TGM6: variants seen among roughly 807,000 people sequenced by gnomAD.
TGM6 encodes the protein transglutaminase 6.
A neutral mutation model predicts 77.5 loss-of-function variants in TGM6; 74 were observed. The ratio of observed to expected loss-of-function variants is 0.96; its 90% CI spans 0.79 to 1.16. TGM6 has a LOEUF of 1.16. TGM6 is among the 50% of genes most tolerant of loss of function. The probability of loss-of-function intolerance (pLI) is 0.00; values close to 1 mark genes in which losing one functional copy is unlikely to be tolerated. For missense variants in TGM6, 968 were observed against 940.2 expected, an observed-to-expected ratio of 1.03 and a Z score of -0.39; for synonymous variants, 383 against 378.9, an observed-to-expected ratio of 1.01 and a Z score of -0.12.
intron 9 of TGM6, among the ~76,000 whole-genome samples, chr20:2,415,217 A>G (rs1374044178): frequency 6.6e-6 from 1 of 152,222 alleles, no homozygotes; most frequent in Non-Finnish European, 1.5e-5. Flanking sequence ...ATGGAATGTT[A>G]AAGAACCTTG....
intron 1 of TGM6, among the ~76,000 whole-genome samples, chr20:2,387,322 A>G (rs888965479): frequency 3.3e-5 from 5 of 152,190 alleles, no homozygotes; most frequent in East Asian, 3.9e-4. Context: ...ATTTGGTTTT[A>G]CTTTCTGTTG....
chr20:2,428,381 C>T, intron 10 of TGM6, among the ~76,000 whole-genome samples: 1 of 152,150 alleles, frequency 6.6e-6, no homozygotes, highest in Non-Finnish European at 1.5e-5. Context: ...CTACTTTTCT[C>T]CTCCTTTCTC....
At chr20:2,397,857 G>T in intron 4 of TGM6, 61 bp from the exon 5 acceptor site, 2 of 1,613,750 alleles carry the variant, frequency 1.2e-6, no homozygotes, top group South Asian at 2.2e-5. Flanking sequence ...GAGGGCTGTG[G>T]GAGGGCCTGG....
chr20:2,382,665 ATCTGTTCC>A (rs2084564209), intron 1 of TGM6, among the ~76,000 whole-genome samples: 2 of 151,996 alleles, frequency 1.3e-5, no homozygotes, highest in African/African-American at 4.8e-5. Flanking sequence ...TCTTGGGAGG[ATCTGTTCC>A]TCAGAGCAGT....
chr20:2,430,566 A>G lies in TGM6; in HGVS notation c.1799A>G (p.Lys600Arg). 6.2e-7 allele frequency: 1 copy of G among 1,614,204 alleles called. No homozygotes were observed. ...VTKGEKLLVE[K>R]DITLEDFITI... Reference sequence around the variant, plus strand: ...AAAGGAGAGAAGCTTCTGGTGGAGAAGGACATTACTCTAGAGGACTTCATC... The same window carrying G: ...AAAGGAGAGAAGCTTCTGGTGGAGAGGGACATTACTCTAGAGGACTTCATC... The change falls in exon 11 of 13, where the codon AAG (lysine) becomes AGG (arginine). Residue 600 changes from lysine to arginine, a missense_variant. Physicochemically the swap from Lys to Arg is conservative, Grantham distance 26. Coordinates refer to ENST00000202625, the MANE Select transcript of TGM6 (RefSeq NM_198994.3).
chr20:2,430,829 G>C (rs1428610755), intron 11 of TGM6, 65 bp from the exon 12 acceptor site: 1 of 1,613,540 alleles, frequency 6.2e-7, no homozygotes, highest in Non-Finnish European at 8.5e-7. Flanking sequence ...AACTCAGCCA[G>C]GACCATCGGT....
chr20:2,424,216 G>A (rs1365629039), intron 10 of TGM6, among the ~76,000 whole-genome samples: 1 of 152,196 alleles, frequency 6.6e-6, no homozygotes, highest in Non-Finnish European at 1.5e-5. Flanking sequence ...GCCAGGCATT[G>A]ACTTCTGTCC....
At chr20:2,420,952 C>T (rs749685419) in intron 10 of TGM6, among the ~76,000 whole-genome samples, 3 of 151,402 alleles carry the variant, frequency 2.0e-5, no homozygotes, top group Non-Finnish European at 4.4e-5. Context: ...TGTAAACATC[C>T]TTATGCAGGT....
At chr20:2,395,544 T>A in intron 3 of TGM6, 108 bp downstream of exon 3, 1 of 1,590,696 alleles carries the variant, frequency 6.3e-7, no homozygotes, top group Non-Finnish European at 8.6e-7. Context: ...AGAAGCTGAA[T>A]GCCAAGAGCT....
intron 9 of TGM6, among the ~76,000 whole-genome samples, chr20:2,414,954 C>T (rs1023456330): frequency 6.9e-6 from 1 of 145,246 alleles, no homozygotes; most frequent in Non-Finnish European, 1.5e-5. Flanking sequence ...GGTGAAAAAA[C>T]GTTCTAAAAT....
At chr20:2,416,657 G>T (rs1747899273) in intron 9 of TGM6, among the ~76,000 whole-genome samples, 1 of 152,174 alleles carries the variant, frequency 6.6e-6, no homozygotes, top group African/African-American at 2.4e-5. Flanking sequence ...ATAGAGAAGT[G>T]CTTTTGCCTC....
chr20:2,388,115 G>T (rs2084608043), intron 1 of TGM6, among the ~76,000 whole-genome samples: 1 of 152,182 alleles, frequency 6.6e-6, no homozygotes, highest in Non-Finnish European at 1.5e-5. Context: ...TCCAGAGGGT[G>T]GGAATATATG....
chr20:2,430,491 A>C lies in TGM6; in HGVS notation c.1724A>C (p.Asp575Ala), dbSNP rs959873105. The C allele has an allele frequency of 6.2e-7, 1 of 1,614,196 alleles. No homozygotes were observed. Among genetic ancestry groups the C allele is most frequent in the Non-Finnish European group, 8.5e-7 (1 of 1,180,032 alleles). ...ATATCTTACTCTAAGTATAAAGAAGACCTGACAGAGGACAAGAAGATCCTG... is the reference window on the plus strand; with the variant it reads ...ATATCTTACTCTAAGTATAAAGAAGCCCTGACAGAGGACAAGAAGATCCTG... The part of the protein sequence containing the change: ...ITISYSKYKE[D>A]LTEDKKILLA... The change falls in exon 11 of 13, where the codon GAC becomes GCC. Residue 575 changes from aspartate to alanine, a missense_variant. Transcript: ENST00000202625.
At chr20:2,401,565 C>A (rs1485892548) in intron 7 of TGM6, among the ~76,000 whole-genome samples, 1 of 152,188 alleles carries the variant, frequency 6.6e-6, no homozygotes, top group Non-Finnish European at 1.5e-5. Context: ...TAACGTAACA[C>A]CCACCAAGCA....
chr20:2,420,310 T>A lies in TGM6; in HGVS notation c.1678+2737T>A, dbSNP rs115336358. The stretch of plus-strand genomic sequence containing the variant: ...ATGATAGACTATTAAAACATATAAT[T>A]TATTAAATTATTAGGTTTTTAAGTA... On this transcript the variant is annotated intron_variant, in intron 10 of 12. Transcript: ENST00000202625. Among the ~76,000 whole-genome samples the A allele has an allele frequency of 4.1e-3, 618 of 152,154 alleles. 1 individual carries two copies. Among genetic ancestry groups the A allele is most frequent in the African/African-American group, 0.014 (585 of 41,508 alleles).
intron 1 of TGM6, among the ~76,000 whole-genome samples, chr20:2,391,996 C>T (rs1163419913): frequency 6.6e-6 from 1 of 152,196 alleles, no homozygotes; most frequent in Non-Finnish European, 1.5e-5. Context: ...TAAGCTGTTG[C>T]TTATAGTACT....
In TGM6 at chr20:2,394,710, G is replaced by A. The variant is rs894868990; in HGVS notation, c.181+85G>A. 2.4e-5 allele frequency: 35 copies of A among 1,430,382 alleles called. No homozygotes were observed. In the African/African-American group the frequency reaches 3.7e-4, roughly 15 times the overall value. The allele number at this position is 1,430,382 out of a possible 1,614,324, so 88.6% of individuals were successfully genotyped here. On this transcript the variant is annotated intron_variant, in intron 2 of 12. Coordinates refer to ENST00000202625, the MANE Select transcript of TGM6 (RefSeq NM_198994.3). ...TCAGTAACATAAGACCTTGCAGTCA[G>A]CAGCTCAGGCTCTGGGGGAAGCAAG...
In TGM6 at chr20:2,395,377, G is replaced by T. The variant is rs760044645; in HGVS notation, c.365G>T (p.Arg122Leu). Residue 122 changes from arginine to leucine, a missense_variant, in exon 3 of 13, where the codon CGC (arginine) becomes CTC (leucine). By Grantham distance (102) the Arg-to-Leu change is moderately radical. Transcript: ENST00000202625. ...YLLSIRLSSH[R>L]KHSNRRLGEF... ...CTGAGCATCAGGCTTTCCTCTCACC[G>T]CAAACACAGCAACCGGAGGCTGGGC... 1.2e-6 allele frequency: 2 copies of T among 1,614,224 alleles called. No individual in the cohort carries two copies. The highest frequency in any genetic ancestry group is 1.7e-6 in the Non-Finnish European group (2 of 1,180,038).
chr20:2,430,904 C>A lies in TGM6; in HGVS notation c.1844C>A (p.Pro615Gln). The change falls in exon 12 of 13, where the codon CCA (proline) becomes CAA (glutamine). Residue 615 changes from proline to glutamine, a missense_variant. Pro to Gln is a moderately conservative substitution (Grantham distance 76, BLOSUM62 -1). Coordinates refer to ENST00000202625, the MANE Select transcript of TGM6 (RefSeq NM_198994.3). ...EDFITIKVLG[P>Q]AMVGVAVTVE... ...TGTTGTCCCCTTCAGGTTCTGGGCC[C>A]AGCCATGGTGGGAGTGGCAGTTACA... is the stretch of plus-strand genomic sequence containing the variant. 6.2e-7 allele frequency: 1 copy of A among 1,614,140 alleles called. No homozygotes were observed. The highest frequency in any genetic ancestry group is 8.5e-7 in the Non-Finnish European group (1 of 1,180,024).
Sources: allele counts gnomAD v4.1 joint callset (sites outside exome capture counted in the v4.1 genomes callset), GRCh38; gene constraint gnomAD v4.1.1; transcripts MANE v1.5; gene names NCBI Gene and HGNC (gene_info 2026-07-23, HGNC 2026-07-21).